Variants in ZNF385D observed in about 807,000 individuals in gnomAD.
ZNF385D encodes zinc finger protein 659.
ZNF385D carries 15 observed loss-of-function variants against 35.8 expected under a neutral mutation model. That is an observed-to-expected ratio of 0.42 (90% CI 0.28 to 0.64). ZNF385D has a LOEUF of 0.64. Ranked by LOEUF, ZNF385D falls within the 30% of genes least tolerant of loss-of-function variation. The pLI is 0.23. For missense variants in ZNF385D, 474 were observed against 494.6 expected (o/e 0.96, Z 0.39); for synonymous variants, 212 against 186.8 (o/e 1.13, Z -1.10).
At chr3:22,333,258 T>G (rs1320078259) in intron 2 of ZNF385D, among the ~76,000 whole-genome samples, 1 of 152,190 alleles carries the variant, frequency 6.6e-6, no homozygotes, top group Non-Finnish European at 1.5e-5. Context: ...GGAGTGTGTT[T>G]GTATTTCTTT....
chr3:21,602,512 ATTTTCTTT>A (rs1431184689), intron 2 of ZNF385D, among the ~76,000 whole-genome samples: 53 of 90,188 alleles, frequency 5.9e-4, no homozygotes, highest in South Asian at 1.4e-3. Context: ...GTTTCCCTGC[ATTTTCTTT>A]TTTTTTTTTT....
chr3:22,088,613 A>T (rs888308288), intron 3 of ZNF385D, among the ~76,000 whole-genome samples: 4 of 152,200 alleles, frequency 2.6e-5, no homozygotes, highest in African/African-American at 4.8e-5. Flanking sequence ...GGGAGAACAG[A>T]GCAATAACTT....
chr3:21,465,973 T>C lies in ZNF385D; in HGVS notation c.440-28770A>G, dbSNP rs116625996. On this transcript the variant is annotated intron_variant, in intron 4 of 7. Transcript: ENST00000281523. The surrounding 1 kb of genome is among the most constrained non-coding windows in gnomAD (Gnocchi z 4.2). ...GCATCTCCACTAGGGTTTGCAAAAA[T>C]CTTAGAAAAGTGGGTCTCCATCTTC... 6.6e-6 allele frequency among the ~76,000 whole-genome samples: 1 copy of C among 152,148 alleles called. No homozygotes were observed. The highest frequency in any genetic ancestry group is 2.1e-4 in the South Asian group (1 of 4,830).
chr3:22,293,931 T>C (rs1270072301), intron 2 of ZNF385D, among the ~76,000 whole-genome samples: 1 of 152,158 alleles, frequency 6.6e-6, no homozygotes, highest in African/African-American at 2.4e-5. Context: ...TTCTACTTCC[T>C]ACATACTTGT....
chr3:21,774,716 A>G (rs934778368), intron 3 of ZNF385D, among the ~76,000 whole-genome samples: 10 of 151,934 alleles, frequency 6.6e-5, no homozygotes, highest in African/African-American at 2.4e-4. Context: ...ATGAAGGAGT[A>G]GATGTAATTA....
At chr3:21,961,224 T>TAA (rs1702570815) in intron 3 of ZNF385D, among the ~76,000 whole-genome samples, 1 of 151,956 alleles carries the variant, frequency 6.6e-6, no homozygotes, top group African/African-American at 2.4e-5. Context: ...TAAAAGAAAA[T>TAA]AATTTTTAAA....
intron 3 of ZNF385D, among the ~76,000 whole-genome samples, chr3:21,776,025 T>C (rs562124833): frequency 6.6e-6 from 1 of 151,796 alleles, no homozygotes; most frequent in Non-Finnish European, 1.5e-5. Flanking sequence ...CATATTAAAA[T>C]TTTATAGTAT....
chr3:21,852,324 A>G (rs1696432672), intron 3 of ZNF385D, among the ~76,000 whole-genome samples: 1 of 151,938 alleles, frequency 6.6e-6, no homozygotes, highest in African/African-American at 2.4e-5. Flanking sequence ...AGAAATTCCA[A>G]CAAGCTCAAT....
At chr3:21,799,503 C>T (rs1348633289) in intron 3 of ZNF385D, among the ~76,000 whole-genome samples, 1 of 152,106 alleles carries the variant, frequency 6.6e-6, no homozygotes, top group Non-Finnish European at 1.5e-5. Flanking sequence ...TACCTAAAAA[C>T]TATTGGTATT....
chr3:22,315,252 G>C (rs1286853295), intron 2 of ZNF385D, among the ~76,000 whole-genome samples: 1 of 152,196 alleles, frequency 6.6e-6, no homozygotes, highest in African/African-American at 2.4e-5. Flanking sequence ...AGACAAGTCA[G>C]ACTAGGTGAA....
chr3:22,359,300 G>T (rs1215210319), intron 2 of ZNF385D, among the ~76,000 whole-genome samples: 2 of 151,684 alleles, frequency 1.3e-5, no homozygotes, highest in Admixed American at 6.6e-5. Context: ...AGGTTTTTCT[G>T]TCTTGTAGAA....
chr3:22,060,551 A>C (rs1388624087), intron 3 of ZNF385D, among the ~76,000 whole-genome samples: 3 of 152,190 alleles, frequency 2.0e-5, no homozygotes. Flanking sequence ...CTTTTTAGAA[A>C]TTGAAAATGC....
intron 4 of ZNF385D, among the ~76,000 whole-genome samples, chr3:21,481,007 T>C (rs1024245016): frequency 1.4e-4 from 21 of 152,170 alleles, no homozygotes; most frequent in Admixed American, 3.9e-4. Flanking sequence ...TTTCTACATA[T>C]GTGAGTTGAT....
intron 2 of ZNF385D, among the ~76,000 whole-genome samples, chr3:22,211,174 T>A (rs1345568586): frequency 6.6e-6 from 1 of 151,898 alleles, no homozygotes; most frequent in Non-Finnish European, 1.5e-5. Context: ...TTCTCAAAAG[T>A]GGGAACATAA....
chr3:22,292,231 T>C (rs1054826294), intron 2 of ZNF385D, among the ~76,000 whole-genome samples: 1 of 152,084 alleles, frequency 6.6e-6, no homozygotes, highest in Non-Finnish European at 1.5e-5. Context: ...AAAAGAAATA[T>C]AGAAGGTCTA....
chr3:22,039,232 G>A (rs1698515658), intron 3 of ZNF385D, among the ~76,000 whole-genome samples: 1 of 130,448 alleles, frequency 7.7e-6, no homozygotes, highest in Non-Finnish European at 1.6e-5. Flanking sequence ...AATAAACACT[G>A]TTGATTTGGC....
At chr3:22,000,088 G>C (rs1184383308) in intron 3 of ZNF385D, among the ~76,000 whole-genome samples, 1 of 152,034 alleles carries the variant, frequency 6.6e-6, no homozygotes, top group African/African-American at 2.4e-5. Flanking sequence ...GGCAGATCAT[G>C]AGCTCAGGAG....
chr3:21,514,015 T>TA (rs935841510), intron 3 of ZNF385D, among the ~76,000 whole-genome samples: 10 of 151,898 alleles, frequency 6.6e-5, no homozygotes, highest in African/African-American at 1.9e-4. Context: ...TCTGTGACTG[T>TA]AAAAAAAAGC....
rs913358298 is a variant in ZNF385D, at chr3:22,244,706, T to G, written c.107-75671A>C. ...GTCTGCAACTCTATGCTGAATTTAC[T>G]ATTTCAGAAAACTTCCAAATGCAGG... On this transcript the variant is annotated intron_variant, in intron 2 of 5. Transcript: ENST00000494108. Among the ~76,000 whole-genome samples, 4 of 151,186 alleles carry G rather than the reference T, an allele frequency of 2.6e-5. 1 individual carries two copies. The highest frequency in any genetic ancestry group is 9.8e-5 in the African/African-American group (4 of 40,898).
Sources: allele counts gnomAD v4.1 joint callset (sites outside exome capture counted in the v4.1 genomes callset), GRCh38; gene constraint gnomAD v4.1.1; non-coding constraint Gnocchi (gnomAD v3.1); transcripts MANE v1.5; gene names NCBI Gene and HGNC (gene_info 2026-07-23, HGNC 2026-07-21).